Variants in FGL2 observed in about 807,000 individuals in gnomAD.
The protein encoded by FGL2 is fibrinogen like 2, also known as fibroleukin.
A neutral mutation model predicts 36.0 loss-of-function variants in FGL2; 21 were observed. The ratio of observed to expected loss-of-function variants is 0.58; its 90% CI spans 0.41 to 0.84. The LOEUF is 0.84. FGL2 is among the 40% of genes least tolerant of loss of function. The pLI, the probability that FGL2 is intolerant of heterozygous loss-of-function variation, is 0.00. For missense variants in FGL2, 444 were observed against 526.3 expected, an observed-to-expected ratio of 0.84 and a Z score of 1.53; for synonymous variants, 183 against 190.7, an observed-to-expected ratio of 0.96 and a Z score of 0.33.
rs188477917 is a variant in FGL2 at position 77,198,205 on chromosome 7, A to T, written c.613+976T>A. The T allele has an allele frequency of 2.1e-5, 21 of 985,476 alleles. No homozygotes were observed. The Admixed American group carries it at 1.3e-3, about 60-fold the overall frequency. 61.0% of individuals were successfully genotyped at this position (985,476 alleles called of 1,614,324 possible). A position where few individuals can be genotyped will look rare whatever the true frequency, so the allele number is the denominator to read the frequency against. On this transcript the variant is annotated intron_variant, in intron 1 of 1. Transcript: ENST00000248598. ...GAGTATTACCAATAGAGGTCCTTGAAAATATGACCCTTCCCTCCTTCACTG... is the reference window on the plus strand; with the variant it reads ...GAGTATTACCAATAGAGGTCCTTGATAATATGACCCTTCCCTCCTTCACTG...
rs749360931 is a variant in FGL2, at chr7:77,199,227, G to A, written c.567C>T (p.Gly189=). Residue 189 remains glycine, a synonymous_variant, in exon 1 of 2, where the codon GGC becomes GGT. Coordinates refer to ENST00000248598, the MANE Select transcript of FGL2 (RefSeq NM_006682.3). The part of the protein sequence containing the change: ...NLTFVVNSLD[G]KCSKCPSQEQ... ...CTTGGCTGGGACACTTTGAACATTT[G>A]CCATCCAAACTATTGACAACAAATG... 1 of 1,613,816 alleles carries A rather than the reference G, an allele frequency of 6.2e-7. No homozygotes were observed.
At chr7:77,197,225 G>A (rs184042740) in intron 1 of FGL2, among the ~76,000 whole-genome samples, 1 of 152,322 alleles carries the variant, frequency 6.6e-6, no homozygotes, top group East Asian at 1.9e-4. Context: ...AGCATCAACA[G>A]CAAACGACAA....
Position 77,193,717 on chromosome 7 carries a change from T to A in FGL2, c.*2562A>T, listed in dbSNP as rs369417797. Reference sequence around the variant, plus strand: ...TTTTTTCCCCTCAGTCATAGGTAAATCAGCTCCACCTGGAATTTCTAAGGA... The same window carrying A: ...TTTTTTCCCCTCAGTCATAGGTAAAACAGCTCCACCTGGAATTTCTAAGGA... On this transcript the variant is annotated 3_prime_UTR_variant, in exon 2 of 2. Transcript: ENST00000248598. The A allele has an allele frequency of 3.3e-5, 5 of 152,296 alleles. No individual in the cohort carries two copies. The highest frequency in any genetic ancestry group is 9.6e-5 in the African/African-American group (4 of 41,572). 9.4% of individuals were successfully genotyped at this position (152,296 alleles called of 1,614,324 possible). A position where few individuals can be genotyped will look rare whatever the true frequency, so the allele number is the denominator to read the frequency against.
intron 1 of FGL2, chr7:77,198,104 TA>T: frequency 2.0e-6 from 2 of 984,900 alleles, no homozygotes; most frequent in Non-Finnish European, 2.4e-6. Flanking sequence ...TAATCTAATG[TA>T]TACCCACTGA....
rs1791808768 is a variant in FGL2 at position 77,193,508 on chromosome 7, A to G, written c.*2771T>C. 1 of 152,234 alleles carries G rather than the reference A, an allele frequency of 6.6e-6. No homozygotes were observed. The highest frequency in any genetic ancestry group is 6.5e-5 in the Admixed American group (1 of 15,284). 9.4% of individuals were successfully genotyped at this position (152,234 alleles called of 1,614,324 possible). A position where few individuals can be genotyped will look rare whatever the true frequency, so the allele number is the denominator to read the frequency against. On this transcript the variant is annotated 3_prime_UTR_variant, in exon 2 of 2. Coordinates refer to ENST00000248598, the MANE Select transcript of FGL2 (RefSeq NM_006682.3). ...AGAAAAGAATTTTAAACAAGAGCTT[A>G]TTGTGATGACATTACTCATAACTTT... is the stretch of plus-strand genomic sequence containing the variant.
In FGL2 at chr7:77,194,347, G is replaced by A. The variant is rs1190419586; in HGVS notation, c.*1932C>T. The A allele has an allele frequency of 1.3e-5, 2 of 151,858 alleles. No homozygotes were observed. The highest frequency in any genetic ancestry group is 2.9e-5 in the Non-Finnish European group (2 of 67,880). The allele number at this position is 151,858 out of a possible 1,614,324, so 9.4% of individuals were successfully genotyped here. A position where few individuals can be genotyped will look rare whatever the true frequency, so the allele number is the denominator to read the frequency against. ...AAACGTTTTTAGTCTTTTTTAAAAA[G>A]TAAAAAGTAAAAAACAACGTCAGTT... is the stretch of plus-strand genomic sequence containing the variant. On this transcript the variant is annotated 3_prime_UTR_variant, in exon 2 of 2. Transcript: ENST00000248598.
rs574331357 is a variant in FGL2 at position 77,193,442 on chromosome 7, G to A, written c.*2837C>T. The A allele has an allele frequency of 1.3e-5, 2 of 152,136 alleles. No individual in the cohort carries two copies. The highest frequency in any genetic ancestry group is 2.1e-4 in the South Asian group (1 of 4,822). The allele number at this position is 152,136 out of a possible 1,614,324, so 9.4% of individuals were successfully genotyped here. ...ATGTGATAATTAAATCTTTTATAAG[G>A]TTTTAAAAAGACATGAAACATAAAC... On this transcript the variant is annotated 3_prime_UTR_variant, in exon 2 of 2. Coordinates refer to ENST00000248598, the MANE Select transcript of FGL2 (RefSeq NM_006682.3).
Position 77,199,417 on chromosome 7 carries a change from C to G in FGL2, c.377G>C (p.Gly126Ala). 6.2e-7 allele frequency: 1 copy of G among 1,614,168 alleles called. No homozygotes were observed. Among genetic ancestry groups the G allele is most frequent in the Non-Finnish European group, 8.5e-7 (1 of 1,180,022 alleles). ...CTCTAATTCTCTAACTCTGTTATCA[C>G]CAACCTCTCCCGGGGCTCCTGTACT... Reference protein sequence around the residue: ...LPSTGAPGEVGDNRVRELESE... With the variant: ...LPSTGAPGEVADNRVRELESE... Residue 126 changes from glycine (G) to alanine (A), a missense_variant, in exon 1 of 2, where the codon GGT becomes GCT. Coordinates refer to ENST00000248598, the MANE Select transcript of FGL2 (RefSeq NM_006682.3).
chr7:77,196,220 G>C lies in FGL2; in HGVS notation c.*59C>G. 8.0e-7 allele frequency: 1 copy of C among 1,248,620 alleles called. No individual in the cohort carries two copies. Among genetic ancestry groups the C allele is most frequent in the Middle Eastern group, 1.9e-4 (1 of 5,170 alleles). 77.3% of individuals were successfully genotyped at this position (1,248,620 alleles called of 1,614,324 possible). On this transcript the variant is annotated 3_prime_UTR_variant, in exon 2 of 2. Coordinates refer to ENST00000248598, the MANE Select transcript of FGL2 (RefSeq NM_006682.3). The surrounding 1 kb of genome is among the most constrained non-coding windows in gnomAD (Gnocchi z 4.2). Reference sequence around the variant, plus strand: ...TATGAAACAAGGCATATTCTAAAGTGCTGAAGGAATTAATTGCCCTATTAG... The same window carrying C: ...TATGAAACAAGGCATATTCTAAAGTCCTGAAGGAATTAATTGCCCTATTAG...
chr7:77,199,095 C>T, intron 1 of FGL2, 86 bp downstream of exon 1: 1 of 1,162,370 alleles, frequency 8.6e-7, no homozygotes, highest in Non-Finnish European at 1.2e-6. Flanking sequence ...ATCTATTTAA[C>T]TTACTGACTC....
chr7:77,199,416 A>T lies in FGL2; in HGVS notation c.378T>A (p.Gly126=), dbSNP rs1430370977. 6.2e-7 allele frequency: 1 copy of T among 1,614,136 alleles called. No individual in the cohort carries two copies. Among genetic ancestry groups the T allele is most frequent in the Non-Finnish European group, 8.5e-7 (1 of 1,180,012 alleles). The stretch of plus-strand genomic sequence containing the variant: ...TCTCTAATTCTCTAACTCTGTTATC[A>T]CCAACCTCTCCCGGGGCTCCTGTAC... ...LPSTGAPGEV[G]DNRVRELESE... The change falls in exon 1 of 2, where the codon GGT becomes GGA. Residue 126 remains glycine (G), a synonymous_variant. Coordinates refer to ENST00000248598, the MANE Select transcript of FGL2 (RefSeq NM_006682.3).
chr7:77,194,720 T>A lies in FGL2; in HGVS notation c.*1559A>T, dbSNP rs924171756. The A allele has an allele frequency of 2.0e-5, 3 of 152,062 alleles. No individual in the cohort carries two copies. Among genetic ancestry groups the A allele is most frequent in the African/African-American group, 7.2e-5 (3 of 41,422 alleles). 9.4% of individuals were successfully genotyped at this position (152,062 alleles called of 1,614,324 possible). ...AAACAGACACCAGAAATTAAAAAAA[T>A]TATTTCTAGGACTGGCATACACTAC... On this transcript the variant is annotated 3_prime_UTR_variant, in exon 2 of 2. Transcript: ENST00000248598.
rs1291339282 is a variant in FGL2, at chr7:77,195,810, C to T, written c.*469G>A. On this transcript the variant is annotated 3_prime_UTR_variant, in exon 2 of 2. Coordinates refer to ENST00000248598, the MANE Select transcript of FGL2 (RefSeq NM_006682.3). ...TAGCTAGGATTACAGGCATGTACCACCATGCCCGGCTAATTTTTGTATTTT... is the reference window on the plus strand; with the variant it reads ...TAGCTAGGATTACAGGCATGTACCATCATGCCCGGCTAATTTTTGTATTTT... 1 of 155,680 alleles carries T rather than the reference C, an allele frequency of 6.4e-6. No homozygotes were observed. The highest frequency in any genetic ancestry group is 1.4e-5 in the Non-Finnish European group (1 of 70,380). 9.6% of individuals were successfully genotyped at this position (155,680 alleles called of 1,614,324 possible).
rs780894934 is a variant in FGL2, at chr7:77,199,346, C to A, written c.448G>T (p.Glu150Ter). ...AGGCGACCATGAAGTACATTGATCT[C>A]CTCTTTGGCATTCTTTAGCTCAGAG... ...LSSELKNAKE[E>*]INVLHGRLEK... Residue 150 changes from glutamate to a stop codon, truncating the protein, a stop_gained, in exon 1 of 2, where the codon GAG (glutamate) becomes TAG (stop). Coordinates refer to ENST00000248598, the MANE Select transcript of FGL2 (RefSeq NM_006682.3). LOFTEE classifies it high-confidence loss of function. The A allele has an allele frequency of 1.2e-6, 2 of 1,613,980 alleles. No individual in the cohort carries two copies. The highest frequency in any genetic ancestry group is 2.7e-5 in the African/African-American group (2 of 74,914).
rs1471027693 is a variant in FGL2, at chr7:77,193,648, A to G, written c.*2631T>C. ...TCTTTATTTATTGAACAGATGTGTC[A>G]TTAATTCATTTGGAGCATTACTATT... On this transcript the variant is annotated 3_prime_UTR_variant, in exon 2 of 2. Transcript: ENST00000248598. 3.9e-5 allele frequency: 6 copies of G among 152,170 alleles called. No homozygotes were observed. The highest frequency in any genetic ancestry group is 3.9e-4 in the Admixed American group (6 of 15,280). 9.4% of individuals were successfully genotyped at this position (152,170 alleles called of 1,614,324 possible).
Position 77,199,699 on chromosome 7 carries a change from T to C in FGL2, c.95A>G (p.Asp32Gly), listed in dbSNP as rs1791949142. The change falls in exon 1 of 2, where the codon GAT becomes GGT. Residue 32 changes from aspartate to glycine, a missense_variant. Physicochemically the swap from Asp to Gly is moderately conservative, Grantham distance 94. Transcript: ENST00000248598. ...TGGGCAGACATCCTTTGCTCTTTCA[T>C]CTTTAATTTCCTCTGTTTCATTGTT... ...VANNETEEIK[D>G]ERAKDVCPVR... The C allele has an allele frequency of 6.2e-7, 1 of 1,614,168 alleles. No homozygotes were observed. The highest frequency in any genetic ancestry group is 1.1e-5 in the South Asian group (1 of 91,086).
intron 1 of FGL2, 73 bp downstream of exon 1, chr7:77,199,108 G>T (rs1791929735): frequency 2.3e-6 from 3 of 1,309,702 alleles, no homozygotes; most frequent in Non-Finnish European, 2.1e-6. Flanking sequence ...ACTGACTCAG[G>T]TTAATGTTTA....
chr7:77,196,866 C>A lies in FGL2; in HGVS notation c.733G>T (p.Glu245Ter), dbSNP rs1222518432. 6.2e-7 allele frequency: 1 copy of A among 1,613,928 alleles called. No homozygotes were observed. The highest frequency in any genetic ancestry group is 1.7e-5 in the Admixed American group (1 of 59,996). ...NSSFEVYCDM[E>*]TMGGGWTVLQ... ...ACTGTCCAGCCTCCCCCCATGGTCT[C>A]CATGTCACAGTAAACTTCAAAGCTA... is the stretch of plus-strand genomic sequence containing the variant. Residue 245 changes from glutamate to a stop codon, truncating the protein, a stop_gained, in exon 2 of 2, where the codon GAG (glutamate) becomes TAG (stop). Coordinates refer to ENST00000248598, the MANE Select transcript of FGL2 (RefSeq NM_006682.3). LOFTEE classifies it high-confidence loss of function. This position sits in a 1 kb window ranked among gnomAD's most constrained non-coding sequence, Gnocchi z 4.2.
At chr7:77,198,086 G>A in intron 1 of FGL2, 1 of 964,512 alleles carries the variant, frequency 1.0e-6, no homozygotes, top group Non-Finnish European at 1.2e-6. Flanking sequence ...AAGTTGCCAT[G>A]CAGCATCTAA....
Sources: allele counts gnomAD v4.1 joint callset (sites outside exome capture counted in the v4.1 genomes callset), GRCh38; gene constraint gnomAD v4.1.1; non-coding constraint Gnocchi (gnomAD v3.1); transcripts MANE v1.5; gene names NCBI Gene and HGNC (gene_info 2026-07-23, HGNC 2026-07-21).